PANK4: variants seen among roughly 807,000 people sequenced by gnomAD.
PANK4 encodes the protein pantothenate kinase 4 (inactive).
PANK4 carries 40 observed loss-of-function variants against 87.9 expected under a neutral mutation model. That is an observed-to-expected ratio of 0.46 (90% CI 0.35 to 0.59). The LOEUF (loss-of-function observed/expected upper bound fraction) is 0.59. Among genes scored for constraint, PANK4 ranks in the 20% least tolerant of loss-of-function variants. The pLI, the probability that PANK4 is intolerant of heterozygous loss-of-function variation, is 0.00. For missense variants in PANK4, 926 were observed against 1,072.3 expected, an observed-to-expected ratio of 0.86 and a Z score of 1.90; for synonymous variants, 524 against 467.4, an observed-to-expected ratio of 1.12 and a Z score of -1.56.
chr1:2,521,068 T>C (rs777729537), intron 3 of PANK4, 33 bp downstream of exon 3: 88 of 1,581,920 alleles, frequency 5.6e-5, no homozygotes, highest in Non-Finnish European at 7.0e-5. Context: ...GGCAGACACA[T>C]GTTCCTTTCT....
At chr1:2,525,245 G>C (rs1643910430) in intron 1 of PANK4, among the ~76,000 whole-genome samples, 1 of 152,166 alleles carries the variant, frequency 6.6e-6, no homozygotes, top group African/African-American at 2.4e-5. Context: ...GGGTCTCTCT[G>C]AGTCCCAGCT....
intron 10 of PANK4, among the ~76,000 whole-genome samples, chr1:2,514,940 G>C (rs1378392436): frequency 6.6e-6 from 1 of 152,108 alleles, no homozygotes; most frequent in Admixed American, 6.5e-5. Flanking sequence ...GGGGACGAGG[G>C]GCTCTGGGCA....
chr1:2,511,022 C>T (rs999826589), intron 15 of PANK4, among the ~76,000 whole-genome samples: 8 of 152,046 alleles, frequency 5.3e-5, no homozygotes, highest in South Asian at 4.1e-4. Flanking sequence ...CCAGAGGCAC[C>T]GGGACGGGCC....
chr1:2,521,345 T>A (rs377043859), intron 2 of PANK4, 30 bp from the exon 3 acceptor site: 1 of 1,549,840 alleles, frequency 6.5e-7, no homozygotes, highest in African/African-American at 1.4e-5. Flanking sequence ...AGGCCGCATG[T>A]GTGTGGGACA....
chr1:2,520,082 C>A lies in PANK4; in HGVS notation c.700-128G>T. On this transcript the variant is annotated intron_variant, in intron 5 of 18. Coordinates refer to ENST00000378466, the MANE Select transcript of PANK4 (RefSeq NM_018216.4). This position sits in a 1 kb window ranked among gnomAD's most constrained non-coding sequence, Gnocchi z 6.2. The stretch of plus-strand genomic sequence containing the variant: ...TAAATGGGCCCTCATCGCGTGGGAC[C>A]AAAGGCAGGAGGCGGCAAGCGGGAC... The A allele has an allele frequency of 1.0e-6, 1 of 963,984 alleles. No homozygotes were observed. 59.7% of individuals were successfully genotyped at this position (963,984 alleles called of 1,614,324 possible). A position where few individuals can be genotyped will look rare whatever the true frequency, so the allele number is the denominator to read the frequency against.
intron 10 of PANK4, 70 bp from the exon 11 acceptor site, chr1:2,514,536 A>AG (rs1312974221): frequency 3.6e-5 from 10 of 277,774 alleles, no homozygotes; most frequent in South Asian, 1.2e-4. Flanking sequence ...ACGTGACAGC[A>AG]GGGGGCTCGG....
At chr1:2,512,649 C>T in intron 13 of PANK4, 2 of 550,512 alleles carry the variant, frequency 3.6e-6, no homozygotes, top group Non-Finnish European at 6.4e-6. Flanking sequence ...GCCTCTGCGG[C>T]ACCCATGCTT....
chr1:2,513,180 C>T (rs955909620), intron 12 of PANK4, 141 bp from the exon 13 acceptor site: 4 of 870,092 alleles, frequency 4.6e-6, no homozygotes, highest in Non-Finnish European at 7.0e-6. Flanking sequence ...CAGGCACAAG[C>T]CTATCGGTCC....
At chr1:2,516,822 G>A (rs531718473) in intron 9 of PANK4, among the ~76,000 whole-genome samples, 2 of 152,370 alleles carry the variant, frequency 1.3e-5, no homozygotes, top group African/African-American at 2.4e-5. Flanking sequence ...TTGCCAGGTC[G>A]CAGGCTCCTT....
rs1162427426 is a variant in PANK4 at position 2,520,579 on chromosome 1, G to A, written c.606+144C>T. The stretch of plus-strand genomic sequence containing the variant: ...TGGGGGCGCTGATGCCCCTCCCACA[G>A]AGGCTCTGAGCTCACAGCCTCGCCA... On this transcript the variant is annotated intron_variant, in intron 4 of 18. Transcript: ENST00000378466. This position sits in a 1 kb window ranked among gnomAD's most constrained non-coding sequence, Gnocchi z 6.2. 24 of 962,100 alleles carry A rather than the reference G, an allele frequency of 2.5e-5. No homozygotes were observed. Among genetic ancestry groups the A allele is most frequent in the Non-Finnish European group, 3.6e-5 (23 of 641,012 alleles). The allele number at this position is 962,100 out of a possible 1,614,324, so 59.6% of individuals were successfully genotyped here. A position where few individuals can be genotyped will look rare whatever the true frequency, so the allele number is the denominator to read the frequency against.
chr1:2,517,490 C>T (rs552549980), intron 9 of PANK4, among the ~76,000 whole-genome samples: 12 of 152,194 alleles, frequency 7.9e-5, no homozygotes, highest in Non-Finnish European at 1.5e-4. Flanking sequence ...ATGAGCCCCG[C>T]GGGGGGGCAC....
At chr1:2,514,274 A>T in intron 11 of PANK4, 80 bp downstream of exon 11, 1 of 1,263,440 alleles carries the variant, frequency 7.9e-7, no homozygotes, top group Non-Finnish European at 1.2e-6. Flanking sequence ...TCCGAATGCC[A>T]ACATCACGGC....
At chr1:2,514,308 C>A in intron 11 of PANK4, 46 bp downstream of exon 11, 3 of 1,428,770 alleles carry the variant, frequency 2.1e-6, no homozygotes. Flanking sequence ...TGCAGGGGCC[C>A]TCTGGATGGA....
At chr1:2,521,853 C>A (rs1643878313) in intron 1 of PANK4, 53 bp from the exon 2 acceptor site, 7 of 1,409,016 alleles carry the variant, frequency 5.0e-6, no homozygotes, top group African/African-American at 1.4e-5. Context: ...ACAGCGGGGC[C>A]TGGGGGTCCA....
rs112258456 is a variant in PANK4, at chr1:2,525,108, C to G, written c.124+1356G>C. On this transcript the variant is annotated intron_variant, in intron 1 of 18. Transcript: ENST00000378466. Reference sequence around the variant, plus strand: ...CTACTTCCATTCTCATCGCCCCCCACTTCCCTAGAGGACACCCTTCCCTGG... The same window carrying G: ...CTACTTCCATTCTCATCGCCCCCCAGTTCCCTAGAGGACACCCTTCCCTGG... Among the ~76,000 whole-genome samples the G allele has an allele frequency of 1.4e-3, 206 of 152,302 alleles. 1 individual carries two copies. Among genetic ancestry groups the G allele is most frequent in the African/African-American group, 4.7e-3 (196 of 41,558 alleles).
At chr1:2,522,985 G>A (rs950544577) in intron 1 of PANK4, among the ~76,000 whole-genome samples, 2 of 151,086 alleles carry the variant, frequency 1.3e-5, no homozygotes. Flanking sequence ...GCACTGGATG[G>A]TGCTATAGTG....
At position 2,509,546 on chromosome 1, in the gene PANK4, G is replaced by A. The variant is rs1208254146; in HGVS notation, c.2108+316C>T. Among the ~76,000 whole-genome samples, 1 of 152,210 alleles carries A rather than the reference G, an allele frequency of 6.6e-6. No individual in the cohort carries two copies. The highest frequency in any genetic ancestry group is 1.5e-5 in the Non-Finnish European group (1 of 68,034). Reference sequence around the variant, plus strand: ...CCTGGCATCTATGTGGGACACGGAGGTGACAGACACCGGGCAGCTGCCCAG... The same window carrying A: ...CCTGGCATCTATGTGGGACACGGAGATGACAGACACCGGGCAGCTGCCCAG... On this transcript the variant is annotated intron_variant, in intron 18 of 18. Transcript: ENST00000378466. The surrounding 1 kb of genome is among the most constrained non-coding windows in gnomAD (Gnocchi z 4.9).
chr1:2,520,839 G>A lies in PANK4; in HGVS notation c.490C>T (p.His164Tyr), dbSNP rs1643868920. The change falls in exon 4 of 19, where the codon CAT (histidine) becomes TAT (tyrosine). Residue 164 changes from histidine (H) to tyrosine (Y), a missense_variant. Coordinates refer to ENST00000378466, the MANE Select transcript of PANK4 (RefSeq NM_018216.4). The surrounding 1 kb of genome is among the most constrained non-coding windows in gnomAD (Gnocchi z 6.2). ...TCCTTCTGGTACACGAAGGCCTCAT[G>A]GGGGATGTTCTTGAGCACGAAGTTG... ...GCNFVLKNIPHEAFVYQKDSD... is the reference protein window; with the variant it reads ...GCNFVLKNIPYEAFVYQKDSD... 2.5e-6 allele frequency: 4 copies of A among 1,597,718 alleles called. No homozygotes were observed.
intron 12 of PANK4, among the ~76,000 whole-genome samples, 178 bp from the exon 13 acceptor site, chr1:2,513,217 C>T (rs538028739): frequency 7.9e-5 from 12 of 152,376 alleles, no homozygotes; most frequent in South Asian, 2.1e-4. Context: ...CACAGCTGCA[C>T]GGGGCTCTGA....
Sources: gnomAD v4.1 joint callset for allele counts (sites outside exome capture counted in the v4.1 genomes callset) on GRCh38, gnomAD v4.1.1 for gene constraint, Gnocchi (gnomAD v3.1) non-coding constraint, MANE v1.5 for transcripts, NCBI Gene and HGNC (gene_info 2026-07-23, HGNC 2026-07-21) for gene names.